ZNF846: variants seen among roughly 807,000 people sequenced by gnomAD.
ZNF846 encodes zinc finger protein 846, also known as zinc finger protein 420 pseudogene.
In ZNF846, 15 loss-of-function variants were observed where a neutral mutation model predicts 16.0. That is an observed-to-expected ratio of 0.94 (90% CI 0.63 to 1.45). ZNF846 has a LOEUF of 1.45. Ranked by LOEUF, ZNF846 falls within the 40% of genes most tolerant of loss-of-function variation. ZNF846 has a pLI of 0.00. For missense variants in ZNF846, 714 were observed against 622.3 expected (o/e 1.15, Z -1.57); for synonymous variants, 229 against 212.0 (o/e 1.08, Z -0.70).
chr19:9,758,445 G>T lies in ZNF846; in HGVS notation c.632C>A (p.Ser211Ter). Residue 211 changes from serine to a stop codon, truncating the protein, a stop_gained, in exon 6 of 6, where the codon TCA (serine) becomes TAA (stop). Coordinates refer to ENST00000397902, the Ensembl canonical transcript of ZNF846. LOFTEE classifies it low-confidence loss of function (END_TRUNC). ...AGATCTTATATGTAACTTAAGGGAT[G>T]ACTGATTAAGAAAAGTTCTCCAACA... 6.2e-7 allele frequency: 1 copy of T among 1,613,330 alleles called. No homozygotes were observed. Among genetic ancestry groups the T allele is most frequent in the South Asian group, 1.1e-5 (1 of 91,010 alleles).
chr19:9,764,502 A>G (rs1368992015), intron 2 of ZNF846, among the ~76,000 whole-genome samples: 2 of 152,172 alleles, frequency 1.3e-5, no homozygotes, highest in East Asian at 1.9e-4. Context: ...CTTCATCCCC[A>G]TGTGACCATC....
chr19:9,780,515 T>A (rs2045492129), intron 1 of ZNF846, among the ~76,000 whole-genome samples: 1 of 152,118 alleles, frequency 6.6e-6, no homozygotes, highest in Non-Finnish European at 1.5e-5. Flanking sequence ...AGTGGTGTGA[T>A]CTCAGCTCAC....
chr19:9,764,593 T>C (rs1042647118), intron 2 of ZNF846, among the ~76,000 whole-genome samples: 2 of 152,198 alleles, frequency 1.3e-5, no homozygotes, highest in African/African-American at 4.8e-5. Flanking sequence ...TGCTGGTATA[T>C]CCAGTGCATT....
downstream of ZNF846, among the ~76,000 whole-genome samples, chr19:9,750,004 A>G (rs1427839733): frequency 6.6e-6 from 1 of 151,582 alleles, no homozygotes; most frequent in Non-Finnish European, 1.5e-5. Flanking sequence ...CTGCTCCTTT[A>G]TGCTTCTCCC....
downstream of ZNF846, chr19:9,757,421 T>A: frequency 7.1e-7 from 1 of 1,418,222 alleles, no homozygotes. Context: ...TTTACCTTCC[T>A]ATGATTTTTT....
At chr19:9,767,302 A>C (rs1278569740) in intron 1 of ZNF846, among the ~76,000 whole-genome samples, 1 of 151,632 alleles carries the variant, frequency 6.6e-6, no homozygotes, top group African/African-American at 2.4e-5. Context: ...CACCTGGCTA[A>C]TTTTGTATTT....
chr19:9,779,006 C>T (rs1481418285), intron 1 of ZNF846, among the ~76,000 whole-genome samples: 1 of 152,000 alleles, frequency 6.6e-6, no homozygotes, highest in African/African-American at 2.4e-5. Flanking sequence ...AATGTTGAAA[C>T]AATATTCCTC....
intron 1 of ZNF846, among the ~76,000 whole-genome samples, chr19:9,784,577 G>A (rs1480761581): frequency 6.6e-6 from 1 of 152,122 alleles, no homozygotes; most frequent in Non-Finnish European, 1.5e-5. Context: ...ACTGCAAAGA[G>A]GCCTTCCTCT....
intron 1 of ZNF846, among the ~76,000 whole-genome samples, chr19:9,767,866 G>C (rs891411509): frequency 6.6e-6 from 1 of 152,150 alleles, no homozygotes; most frequent in African/African-American, 2.4e-5. Flanking sequence ...CCGGGAGACA[G>C]AGTTTACAGT....
At chr19:9,781,066 T>C (rs1042060195) in intron 1 of ZNF846, among the ~76,000 whole-genome samples, 15 of 152,222 alleles carry the variant, frequency 9.9e-5, no homozygotes, top group South Asian at 2.1e-4. Context: ...CCACTTGATA[T>C]AGTCCTACAC....
At chr19:9,783,815 A>G (rs2145329104) in intron 1 of ZNF846, among the ~76,000 whole-genome samples, 1 of 151,674 alleles carries the variant, frequency 6.6e-6, no homozygotes, top group East Asian at 1.9e-4. Context: ...CAGCCCCCCA[A>G]GTAGTTGGAA....
At chr19:9,767,238 C>T (rs948664959) in intron 1 of ZNF846, among the ~76,000 whole-genome samples, 1 of 151,880 alleles carries the variant, frequency 6.6e-6, no homozygotes, top group Non-Finnish European at 1.5e-5. Context: ...CGGGTTCAAG[C>T]GATTCTCCTG....
chr19:9,771,957 G>A (rs1044692476), upstream of ZNF846, among the ~76,000 whole-genome samples: 3 of 151,768 alleles, frequency 2.0e-5, no homozygotes, highest in Admixed American at 1.3e-4. Context: ...TAGTAGAGAC[G>A]AGGTTTCACC....
intron 1 of ZNF846, among the ~76,000 whole-genome samples, chr19:9,781,425 CCACT>C (rs2045500154): frequency 6.6e-6 from 1 of 152,144 alleles, no homozygotes; most frequent in Non-Finnish European, 1.5e-5. Context: ...CATGTCCCAC[CCACT>C]GTTAGGTGCA....
intron 1 of ZNF846, among the ~76,000 whole-genome samples, chr19:9,783,543 AAATATAT>A (rs1286076217): frequency 1.1e-4 from 14 of 124,554 alleles, no homozygotes; most frequent in African/African-American, 4.7e-4. Flanking sequence ...AAAAAAAAAA[AAATATAT>A]ATATATATAT....
chr19:9,757,627 C>T (rs767762397), exon 6 of ZNF846: 13 of 1,613,608 alleles, frequency 8.1e-6, no homozygotes. Flanking sequence ...AAGGCTTTCC[C>T]ACATTCTTTA....
chr19:9,758,927 T>C (rs1363218925), intron 5 of ZNF846, among the ~76,000 whole-genome samples, 163 bp from the exon 6 acceptor site: 1 of 151,840 alleles, frequency 6.6e-6, no homozygotes, highest in African/African-American at 2.4e-5. Context: ...AGTTGAGTAA[T>C]AGGACAATGA....
downstream of ZNF846, among the ~76,000 whole-genome samples, chr19:9,753,400 C>G (rs1164682018): frequency 6.7e-6 from 1 of 149,532 alleles, no homozygotes; most frequent in Non-Finnish European, 1.5e-5. Context: ...TACAGGCACC[C>G]AGCACCACAC....
downstream of ZNF846, among the ~76,000 whole-genome samples, chr19:9,757,129 A>G (rs1036443745): frequency 6.6e-6 from 1 of 151,186 alleles, no homozygotes; most frequent in Non-Finnish European, 1.5e-5. Flanking sequence ...CAGGAGGCAG[A>G]GGTTGCAGTG....
Sources: allele counts gnomAD v4.1 joint callset (sites outside exome capture counted in the v4.1 genomes callset), GRCh38; gene constraint gnomAD v4.1.1; transcripts MANE v1.5; gene names NCBI Gene and HGNC (gene_info 2026-07-23, HGNC 2026-07-21).